TNIK: variants seen among roughly 807,000 people sequenced by gnomAD.
TNIK encodes the protein TRAF2 and NCK interacting kinase, also known as TRAF2 and NCK-interacting protein kinase.
In TNIK, 49 loss-of-function variants were observed where a neutral mutation model predicts 191.3. The observed-to-expected ratio is 0.26, with a 90% CI of 0.20 to 0.32. The LOEUF (loss-of-function observed/expected upper bound fraction) is 0.32, where lower values mean the gene tolerates loss of function less well. Among genes scored for constraint, TNIK ranks in the 10% least tolerant of loss-of-function variants. The pLI is 1.00. For synonymous variants in TNIK, 594 were observed against 600.9 expected (o/e 0.99, Z 0.17); for missense variants, 1,155 against 1,702.3 (o/e 0.68, Z 5.66).
intron 2 of TNIK, among the ~76,000 whole-genome samples, chr3:171,343,605 G>A (rs779593230): frequency 7.9e-5 from 12 of 152,302 alleles, no homozygotes; most frequent in Non-Finnish European, 1.0e-4. Context: ...CTGTTCTGCA[G>A]ATTCTCTGGA....
At chr3:171,458,353 G>A (rs889808550) in intron 1 of TNIK, among the ~76,000 whole-genome samples, 2 of 152,112 alleles carry the variant, frequency 1.3e-5, no homozygotes, top group South Asian at 2.1e-4. Flanking sequence ...GGGGGCAGCC[G>A]GTTCTTGATG....
chr3:171,143,702 T>TA (rs897371126), intron 12 of TNIK, among the ~76,000 whole-genome samples: 39 of 152,216 alleles, frequency 2.6e-4, no homozygotes, highest in African/African-American at 9.2e-4. Context: ...CACTTGTTTT[T>TA]ATCTCCCATT....
intron 15 of TNIK, among the ~76,000 whole-genome samples, chr3:171,131,468 A>G (rs754678664): frequency 6.6e-5 from 10 of 151,070 alleles, no homozygotes; most frequent in Admixed American, 2.0e-4. Context: ...TACTTCTAGT[A>G]AAAATTTCTT....
At chr3:171,360,042 T>G (rs13084948) in intron 2 of TNIK, among the ~76,000 whole-genome samples, 86,023 of 152,056 alleles carry the variant, frequency 0.57, 28,631 homozygotes, top group Non-Finnish European at 0.75. Context: ...CAATATGAGG[T>G]GGAATGAAAG....
chr3:171,189,942 A>G (rs1371191863), intron 6 of TNIK, among the ~76,000 whole-genome samples: 2 of 152,252 alleles, frequency 1.3e-5, no homozygotes, highest in Admixed American at 1.3e-4. Context: ...AAAAAGGAAG[A>G]GCAAATGTTT....
chr3:171,166,063 A>G lies in TNIK; in HGVS notation c.949+1032T>C, dbSNP rs1365103482. 2.6e-5 allele frequency among the ~76,000 whole-genome samples: 4 copies of G among 152,354 alleles called. No homozygotes were observed. The East Asian group carries it at 7.7e-4, about 29-fold the overall frequency. On this transcript the variant is annotated intron_variant, in intron 10 of 32. Transcript: ENST00000436636. ...AAGATAAATCCTATGCCAGAGAGGC[A>G]CAGGGTAGGGGAGTGCTGGTGAGAG...
intron 2 of TNIK, among the ~76,000 whole-genome samples, chr3:171,238,521 T>A (rs1256960190): frequency 2.0e-5 from 3 of 152,088 alleles, no homozygotes; most frequent in Non-Finnish European, 4.4e-5. Context: ...TCTGGAGACA[T>A]CTTTTGATTG....
rs1018342561 is a variant in TNIK, at chr3:171,168,453, C to A, written c.774-1183G>T. ...AGAGGTGCCCTCACCACACAGAACA[C>A]AATGGAGAGCATGTTCTTCAACACT... is the stretch of plus-strand genomic sequence containing the variant. On this transcript the variant is annotated intron_variant, in intron 9 of 32. Transcript: ENST00000436636. 5.3e-5 allele frequency among the ~76,000 whole-genome samples: 8 copies of A among 152,316 alleles called. No individual in the cohort carries two copies. In the East Asian group the frequency reaches 1.5e-3, roughly 29 times the overall value.
chr3:171,314,786 C>T lies in TNIK; in HGVS notation c.123+54834G>A, dbSNP rs753212654. ...TTGAGGGGATCATTTATAGAGGTGG[C>T]ACTGTCCTGAATCTAGAGTGAGGAG... On this transcript the variant is annotated intron_variant, in intron 2 of 32. Coordinates refer to ENST00000436636, the MANE Select transcript of TNIK (RefSeq NM_015028.4). 3.9e-5 allele frequency among the ~76,000 whole-genome samples: 6 copies of T among 152,144 alleles called. No individual in the cohort carries two copies. In the East Asian group the frequency reaches 9.6e-4, roughly 24 times the overall value.
At chr3:171,363,402 C>T (rs1221767070) in intron 2 of TNIK, among the ~76,000 whole-genome samples, 1 of 152,190 alleles carries the variant, frequency 6.6e-6, no homozygotes, top group Non-Finnish European at 1.5e-5. Flanking sequence ...AGAGTAGGAA[C>T]CTCCTCAGTT....
intron 9 of TNIK, among the ~76,000 whole-genome samples, chr3:171,171,567 C>G (rs553981712): frequency 6.6e-6 from 1 of 152,294 alleles, no homozygotes; most frequent in South Asian, 2.1e-4. Context: ...ATGACCTCAA[C>G]TGAGTGCTGC....
intron 1 of TNIK, among the ~76,000 whole-genome samples, chr3:171,380,934 T>C (rs1717945849): frequency 1.3e-5 from 2 of 152,238 alleles, no homozygotes; most frequent in African/African-American, 4.8e-5. Context: ...GGACCTGTCA[T>C]CTGGCAGAGG....
intron 2 of TNIK, among the ~76,000 whole-genome samples, chr3:171,260,088 T>C (rs1161118136): frequency 6.6e-6 from 1 of 152,142 alleles, no homozygotes; most frequent in African/African-American, 2.4e-5. Flanking sequence ...TGTTATCTGA[T>C]TATGTTCCTC....
intron 1 of TNIK, among the ~76,000 whole-genome samples, chr3:171,401,119 CA>C (rs1281210547): frequency 6.6e-6 from 1 of 151,770 alleles, no homozygotes; most frequent in Non-Finnish European, 1.5e-5. Context: ...CTGAAGAAAA[CA>C]AAAAAAGAAG....
chr3:171,190,160 C>T (rs1382768037), intron 6 of TNIK, among the ~76,000 whole-genome samples: 2 of 152,082 alleles, frequency 1.3e-5, no homozygotes, highest in Non-Finnish European at 2.9e-5. Context: ...AACAGATACG[C>T]CAAAGAGAAG....
intron 7 of TNIK, among the ~76,000 whole-genome samples, chr3:171,188,287 A>G (rs561527159): frequency 1.3e-5 from 2 of 152,030 alleles, no homozygotes; most frequent in East Asian, 3.9e-4. Flanking sequence ...GCATTGTAGA[A>G]GTAAGTCAGA....
Position 171,085,103 on chromosome 3 carries a change from G to T in TNIK, c.2998+15C>A, listed in dbSNP as rs1240617047. The T allele has an allele frequency of 5.0e-6, 8 of 1,587,598 alleles. No homozygotes were observed. The highest frequency in any genetic ancestry group is 1.7e-4 in the Middle Eastern group (1 of 6,002). On this transcript the variant is annotated intron_variant, in intron 25 of 32. Transcript: ENST00000436636. The stretch of plus-strand genomic sequence containing the variant: ...GACGAAGCTGTTTTTTAAACACAGG[G>T]CCCTTCTTGCTTACCTGCGGCTGAT...
Position 171,318,223 on chromosome 3 carries a change from G to A in TNIK, c.123+51397C>T, listed in dbSNP as rs545657176. On this transcript the variant is annotated intron_variant, in intron 2 of 32. Transcript: ENST00000436636. The stretch of plus-strand genomic sequence containing the variant: ...GAAACAGGTTTGCTGCTGCTTTCCA[G>A]CCTTCTAAATCAGACAGTTGCATAA... Among the ~76,000 whole-genome samples, 7 of 152,226 alleles carry A rather than the reference G, an allele frequency of 4.6e-5. No homozygotes were observed. The South Asian group carries it at 1.5e-3, about 32-fold the overall frequency.
rs537642473 is a variant in TNIK, at chr3:171,090,221, G to C, written c.2722-2715C>G. On this transcript the variant is annotated intron_variant, in intron 23 of 32. Coordinates refer to ENST00000436636, the MANE Select transcript of TNIK (RefSeq NM_015028.4). Reference sequence around the variant, plus strand: ...AAGAAAGCAGAGATTAGGGTAAGGAGAGACAGGCAGCAAGAGAGCCAGAGA... The same window carrying C: ...AAGAAAGCAGAGATTAGGGTAAGGACAGACAGGCAGCAAGAGAGCCAGAGA... Among the ~76,000 whole-genome samples, 4 of 152,202 alleles carry C rather than the reference G, an allele frequency of 2.6e-5. No homozygotes were observed. In the East Asian group the frequency reaches 7.7e-4, roughly 29 times the overall value.
Sources: allele counts gnomAD v4.1 joint callset (sites outside exome capture counted in the v4.1 genomes callset), GRCh38; gene constraint gnomAD v4.1.1; transcripts MANE v1.5; gene names NCBI Gene and HGNC (gene_info 2026-07-23, HGNC 2026-07-21).